The following VOPP1 variants were observed in gnomAD, a reference collection of about 807,000 sequenced individuals.
The protein encoded by VOPP1 is VOPP1 WW domain binding protein, also known as WW domain binding protein VOPP1.
Under a neutral mutation model 23.5 loss-of-function variants are expected in VOPP1, and 8 were observed. That is an observed-to-expected ratio of 0.34 (90% confidence interval 0.20 to 0.61). The LOEUF is 0.61. Ranked by LOEUF, VOPP1 falls within the 20% of genes least tolerant of loss-of-function variation. The pLI, the probability that VOPP1 is intolerant of heterozygous loss-of-function variation, is 0.78. For missense variants in VOPP1, 174 were observed against 238.1 expected (o/e 0.73, Z 1.77); for synonymous variants, 83 against 97.3 (o/e 0.85, Z 0.86).
intron 4 of VOPP1, among the ~76,000 whole-genome samples, chr7:55,438,626 C>T (rs565409128): frequency 6.6e-6 from 1 of 152,322 alleles, no homozygotes; most frequent in South Asian, 2.1e-4. Context: ...AAGCACTTCT[C>T]ACTCGCTGCA....
At chr7:55,552,814 C>T in intron 1 of VOPP1, 1 of 1,463,290 alleles carries the variant, frequency 6.8e-7, no homozygotes, top group Non-Finnish European at 9.0e-7. Context: ...GGCTGAGTCA[C>T]TCAGCCATGC....
At chr7:55,535,002 C>T (rs930440579) in intron 1 of VOPP1, among the ~76,000 whole-genome samples, 2 of 152,234 alleles carry the variant, frequency 1.3e-5, no homozygotes, top group Non-Finnish European at 2.9e-5. Flanking sequence ...CAGGAAGACA[C>T]AGTTGAAGAG....
chr7:55,493,399 A>C (rs977122271), intron 3 of VOPP1, among the ~76,000 whole-genome samples: 3 of 152,248 alleles, frequency 2.0e-5, no homozygotes, highest in African/African-American at 7.2e-5. Flanking sequence ...AGCGGGTCGC[A>C]GTCAGTGGCA....
At chr7:55,552,950 C>T (rs530201906) in intron 1 of VOPP1, 246 of 700,494 alleles carry the variant, frequency 3.5e-4, no homozygotes, top group Admixed American at 9.9e-4. Context: ...TGCTAAGGCG[C>T]TGTAGGAAAA....
At chr7:55,568,390 T>C (rs1228876025) in intron 1 of VOPP1, among the ~76,000 whole-genome samples, 1 of 152,198 alleles carries the variant, frequency 6.6e-6, no homozygotes, top group Non-Finnish European at 1.5e-5. Context: ...ACTGTTCCTT[T>C]TTCTAGTCCA....
chr7:55,571,440 G>C (rs945177600), intron 1 of VOPP1, among the ~76,000 whole-genome samples: 1 of 152,178 alleles, frequency 6.6e-6, no homozygotes, highest in Non-Finnish European at 1.5e-5. Context: ...ATTTCCTTCA[G>C]AATAATGAAA....
At position 55,521,951 on chromosome 7, in the gene VOPP1, C is replaced by T. The variant is rs528442333; in HGVS notation, c.55-821G>A. On this transcript the variant is annotated intron_variant, in intron 1 of 4. Transcript: ENST00000285279. ...TGTCATTTTTGTTTTACATTCACAA[C>T]GTCCTACTTCCATGATCTAGTTTAT... 115 of 957,550 alleles carry T rather than the reference C, an allele frequency of 1.2e-4. No homozygotes were observed. In the African/African-American group the frequency reaches 1.6e-3, roughly 14 times the overall value. 59.3% of individuals were successfully genotyped at this position (957,550 alleles called of 1,614,324 possible). A position where few individuals can be genotyped will look rare whatever the true frequency, so the allele number is the denominator to read the frequency against.
chr7:55,474,580 C>T (rs1792092792), intron 4 of VOPP1, among the ~76,000 whole-genome samples: 1 of 152,214 alleles, frequency 6.6e-6, no homozygotes, highest in Admixed American at 6.5e-5. Flanking sequence ...ATAAGGGCCC[C>T]CCAACAGGCA....
intron 4 of VOPP1, among the ~76,000 whole-genome samples, chr7:55,457,377 C>T (rs1444018611): frequency 6.6e-6 from 1 of 152,152 alleles, no homozygotes; most frequent in Admixed American, 6.5e-5. Context: ...TTGATAGACA[C>T]TTAGATGATT....
chr7:55,476,723 C>A (rs1003730667), intron 4 of VOPP1, among the ~76,000 whole-genome samples: 1 of 152,182 alleles, frequency 6.6e-6, no homozygotes, highest in Non-Finnish European at 1.5e-5. Context: ...TCCCCTCTGG[C>A]CCAGCTGCTC....
intron 1 of VOPP1, chr7:55,530,812 C>T (rs1005990047): frequency 1.3e-5 from 2 of 152,214 alleles, no homozygotes; most frequent in Non-Finnish European, 2.9e-5. Flanking sequence ...GGAATTCTAC[C>T]TTTCAGCATT....
chr7:55,503,021 T>A (rs1794475304), intron 2 of VOPP1, among the ~76,000 whole-genome samples: 1 of 152,196 alleles, frequency 6.6e-6, no homozygotes, highest in African/African-American at 2.4e-5. Flanking sequence ...AAAGATCACG[T>A]ATAGCAGCAG....
intron 2 of VOPP1, among the ~76,000 whole-genome samples, chr7:55,510,000 T>C (rs543632659): frequency 1.3e-5 from 2 of 152,200 alleles, no homozygotes; most frequent in African/African-American, 4.8e-5. Flanking sequence ...CGTGTCGTCA[T>C]ACTGTTCCTA....
chr7:55,572,124 C>T (rs1182111580), intron 1 of VOPP1, 147 bp downstream of exon 1: 6 of 531,870 alleles, frequency 1.1e-5, no homozygotes, highest in Non-Finnish European at 1.9e-5. Flanking sequence ...CTCCCAGCTC[C>T]GGGAGGCGCG....
chr7:55,565,351 C>T (rs1433582245), intron 1 of VOPP1, among the ~76,000 whole-genome samples: 2 of 152,198 alleles, frequency 1.3e-5, no homozygotes, highest in African/African-American at 4.8e-5. Flanking sequence ...AAATTAAACT[C>T]TGACTTTTTA....
intron 1 of VOPP1, among the ~76,000 whole-genome samples, chr7:55,559,055 C>T (rs909508554): frequency 6.6e-6 from 1 of 152,120 alleles, no homozygotes; most frequent in African/African-American, 2.4e-5. Context: ...ATATATAAGT[C>T]ACTAAGTATC....
intron 1 of VOPP1, among the ~76,000 whole-genome samples, chr7:55,548,320 C>G (rs1264127515): frequency 3.3e-5 from 5 of 152,224 alleles, no homozygotes; most frequent in African/African-American, 1.2e-4. Flanking sequence ...TTTATGCTGC[C>G]TGTGTCTTCC....
chr7:55,524,256 C>T (rs918415248), intron 1 of VOPP1, among the ~76,000 whole-genome samples: 2 of 152,176 alleles, frequency 1.3e-5, no homozygotes, highest in African/African-American at 4.8e-5. Context: ...ACTAAGCTAC[C>T]CAAATGAATC....
intron 1 of VOPP1, among the ~76,000 whole-genome samples, chr7:55,540,365 T>A (rs1797067926): frequency 6.6e-6 from 1 of 151,286 alleles, no homozygotes; most frequent in African/African-American, 2.4e-5. Flanking sequence ...GCTACTGCAC[T>A]CCAGCCTGGC....
Sources: gnomAD v4.1 joint callset for allele counts (sites outside exome capture counted in the v4.1 genomes callset) on GRCh38, gnomAD v4.1.1 for gene constraint, MANE v1.5 for transcripts, NCBI Gene and HGNC (gene_info 2026-07-23, HGNC 2026-07-21) for gene names.